Variants in MFAP3L observed in about 807,000 individuals in gnomAD.
MFAP3L encodes the protein microfibril associated protein 3 like.
In MFAP3L, 5 loss-of-function variants were observed where a neutral mutation model predicts 20.0. The ratio of observed to expected loss-of-function variants is 0.25; its 90% CI spans 0.13 to 0.53. The LOEUF is 0.53. Among genes scored for constraint, MFAP3L ranks in the 20% least tolerant of loss-of-function variants. The pLI is 0.96. For synonymous variants in MFAP3L, 219 were observed against 213.0 expected (o/e 1.03, Z -0.25); for missense variants, 409 against 527.5 (o/e 0.78, Z 2.20).
intron 1 of MFAP3L, among the ~76,000 whole-genome samples, chr4:170,008,999 T>C (rs936680218): frequency 6.6e-6 from 1 of 152,148 alleles, no homozygotes; most frequent in African/African-American, 2.4e-5. Flanking sequence ...CTGAAGAACA[T>C]AAGATATCAC....
At chr4:170,016,071 T>C (rs1046243167) in intron 1 of MFAP3L, among the ~76,000 whole-genome samples, 1 of 152,220 alleles carries the variant, frequency 6.6e-6, no homozygotes, top group Non-Finnish European at 1.5e-5. Flanking sequence ...TATTCAAATA[T>C]TGTTGATTGT....
In MFAP3L at chr4:169,991,792, C is replaced by T; in HGVS notation, c.816G>A (p.Arg272=). The T allele has an allele frequency of 6.2e-7, 1 of 1,614,178 alleles. No homozygotes were observed. Among genetic ancestry groups the T allele is most frequent in the South Asian group, 1.1e-5 (1 of 91,086 alleles). Residue 272 remains arginine, a synonymous_variant, in exon 3 of 3, where the codon AGG becomes AGA. Transcript: ENST00000361618. This position sits in a 1 kb window ranked among gnomAD's most constrained non-coding sequence, Gnocchi z 4.9. The part of the protein sequence containing the change: ...GLEEQGQNFV[R]HTPEGQEAAD... ...CGGCCTCCTGGCCCTCTGGAGTATG[C>T]CTCACAAAATTCTGCCCCTGCTCCT... is the stretch of plus-strand genomic sequence containing the variant.
chr4:170,024,408 G>A lies in MFAP3L; in HGVS notation c.-134+1826C>T, dbSNP rs189826919. On this transcript the variant is annotated intron_variant, in intron 1 of 2. Coordinates refer to ENST00000361618, the MANE Select transcript of MFAP3L (RefSeq NM_021647.8). The stretch of plus-strand genomic sequence containing the variant: ...GGTCAGGAAGAACCCAAGGCTAAGG[G>A]GAGACTCTAGCTACTTCTACTGGGG... Among the ~76,000 whole-genome samples, 524 of 152,284 alleles carry A rather than the reference G, an allele frequency of 3.4e-3. 5 individuals carry two copies. Among genetic ancestry groups the A allele is most frequent in the African/African-American group, 0.012 (509 of 41,554 alleles).
chr4:170,027,172 C>T (rs139499608), upstream of MFAP3L: 1 of 150,694 alleles, frequency 6.6e-6, no homozygotes, highest in Non-Finnish European at 1.5e-5. Flanking sequence ...ACAGAAGTTT[C>T]GCTACACGAT....
intron 1 of MFAP3L, among the ~76,000 whole-genome samples, chr4:170,023,246 T>C (rs560358483): frequency 1.3e-5 from 2 of 152,254 alleles, no homozygotes; most frequent in East Asian, 3.9e-4. Flanking sequence ...GTGTTTTATT[T>C]GTCCTCAAGC....
At chr4:170,018,276 C>A (rs575980374) in intron 1 of MFAP3L, among the ~76,000 whole-genome samples, 3 of 152,248 alleles carry the variant, frequency 2.0e-5, no homozygotes, top group African/African-American at 7.2e-5. Context: ...GAAAGAAACA[C>A]GGCACGCAAG....
intron 1 of MFAP3L, chr4:170,007,118 G>A (rs1489971893): frequency 2.6e-5 from 4 of 152,152 alleles, no homozygotes; most frequent in Admixed American, 6.5e-5. Context: ...GGGGTACCTG[G>A]TGATGATAAA....
chr4:169,993,137 T>C (rs1393969746), intron 2 of MFAP3L, among the ~76,000 whole-genome samples: 1 of 152,144 alleles, frequency 6.6e-6, no homozygotes, highest in Non-Finnish European at 1.5e-5. Context: ...GGAATGATAT[T>C]TTGAATTCAG....
In MFAP3L at chr4:169,990,473, A is replaced by G. The variant is rs1307876973; in HGVS notation, c.*905T>C. 1 of 152,634 alleles carries G rather than the reference A, an allele frequency of 6.6e-6. No individual in the cohort carries two copies. The highest frequency in any genetic ancestry group is 1.5e-5 in the Non-Finnish European group (1 of 68,038). The allele number at this position is 152,634 out of a possible 1,614,324, so 9.5% of individuals were successfully genotyped here. A position where few individuals can be genotyped will look rare whatever the true frequency, so the allele number is the denominator to read the frequency against. ...TTGGAAGCAATATATTTTCCAGGTA[A>G]AGAATCAGTCTTTATTTGGAGGATG... On this transcript the variant is annotated 3_prime_UTR_variant, in exon 3 of 3. Coordinates refer to ENST00000361618, the MANE Select transcript of MFAP3L (RefSeq NM_021647.8).
intron 1 of MFAP3L, among the ~76,000 whole-genome samples, chr4:170,007,708 T>C (rs1156471157): frequency 3.3e-5 from 5 of 152,194 alleles, no homozygotes. Context: ...CTGGGTCCTT[T>C]GCAGGGGCTC....
intron 2 of MFAP3L, chr4:170,001,949 A>G (rs1738653035): frequency 1.0e-6 from 1 of 985,476 alleles, no homozygotes; most frequent in South Asian, 4.7e-5. Flanking sequence ...GCTGGCATGA[A>G]TAACAGCTCT....
At chr4:170,002,790 G>A (rs116532605) in intron 2 of MFAP3L, among the ~76,000 whole-genome samples, 6,846 of 151,830 alleles carry the variant, frequency 0.045, 161 homozygotes, top group Middle Eastern at 0.068. Flanking sequence ...TTACAGGCAT[G>A]AGCCACGCGC....
rs1466989262 is a variant in MFAP3L, at chr4:169,991,175, C to G, written c.*203G>C. On this transcript the variant is annotated 3_prime_UTR_variant, in exon 3 of 3. Transcript: ENST00000361618. The surrounding 1 kb of genome is among the most constrained non-coding windows in gnomAD (Gnocchi z 4.9). ...CTTCTGTCTGGTATCAATTCTGCAC[C>G]CTGATGTTTCTCGCACCCTTCTCTA... is the stretch of plus-strand genomic sequence containing the variant. The G allele has an allele frequency of 1.0e-5, 6 of 598,906 alleles. No homozygotes were observed. The highest frequency in any genetic ancestry group is 1.5e-5 in the Non-Finnish European group (5 of 342,136). 37.1% of individuals were successfully genotyped at this position (598,906 alleles called of 1,614,324 possible).
intron 1 of MFAP3L, among the ~76,000 whole-genome samples, chr4:170,021,082 G>A (rs1324657391): frequency 2.0e-5 from 3 of 152,040 alleles, no homozygotes; most frequent in African/African-American, 7.2e-5. Flanking sequence ...AGAGACCCGG[G>A]TTAGAACCCA....
intron 2 of MFAP3L, chr4:169,997,799 A>ATTTT (rs141898176): frequency 3.4e-6 from 3 of 890,718 alleles, no homozygotes; most frequent in African/African-American, 8.2e-5. Context: ...CCTTTCATTA[A>ATTTT]TTCTTTTTTT....
Position 169,992,031 on chromosome 4 carries a change from C to T in MFAP3L, c.577G>A (p.Glu193Lys), listed in dbSNP as rs750004623. The part of the protein sequence containing the change: ...EKAINEFFRT[E>K]GAEKLQKAFE... ...GCCTTCTGCAGCTTCTCTGCACCTT[C>T]GGTCCTAAAGAACTCATTGATGGCC... The change falls in exon 3 of 3, where the codon GAA (glutamate) becomes AAA (lysine). Residue 193 changes from glutamate to lysine, a missense_variant. Physicochemically the swap from Glu to Lys is moderately conservative, Grantham distance 56. Transcript: ENST00000361618. The surrounding 1 kb of genome is among the most constrained non-coding windows in gnomAD (Gnocchi z 4.3). 1 of 1,614,174 alleles carries T rather than the reference C, an allele frequency of 6.2e-7. No individual in the cohort carries two copies.
chr4:169,992,425 GA>G lies in MFAP3L; in HGVS notation c.299-117del. The G allele has an allele frequency of 3.3e-6, 3 of 912,264 alleles. No individual in the cohort carries two copies. Among genetic ancestry groups the G allele is most frequent in the Non-Finnish European group, 5.0e-6 (3 of 604,126 alleles). 56.5% of individuals were successfully genotyped at this position (912,264 alleles called of 1,614,324 possible). A position where few individuals can be genotyped will look rare whatever the true frequency, so the allele number is the denominator to read the frequency against. On this transcript the variant is annotated intron_variant, in intron 2 of 2. Transcript: ENST00000361618. The surrounding 1 kb of genome is among the most constrained non-coding windows in gnomAD (Gnocchi z 4.3). ...TATGAAGAACATCTATGAAGTCTAT[GA>G]ACGTCGACTTCACATGCTTACTATG...
intron 1 of MFAP3L, among the ~76,000 whole-genome samples, chr4:170,025,134 T>C (rs1740268879): frequency 6.6e-6 from 1 of 152,224 alleles, no homozygotes; most frequent in Non-Finnish European, 1.5e-5. Context: ...GAAACCACAC[T>C]GGGACCTACA....
At chr4:170,014,112 C>G (rs1581512578) in intron 1 of MFAP3L, among the ~76,000 whole-genome samples, 2 of 152,214 alleles carry the variant, frequency 1.3e-5, no homozygotes, top group East Asian at 3.8e-4. Context: ...TAAGCTGGTA[C>G]AGAAGCATCT....
Sources: gnomAD v4.1 joint callset for allele counts (sites outside exome capture counted in the v4.1 genomes callset) on GRCh38, gnomAD v4.1.1 for gene constraint, Gnocchi (gnomAD v3.1) non-coding constraint, MANE v1.5 for transcripts, NCBI Gene and HGNC (gene_info 2026-07-23, HGNC 2026-07-21) for gene names.